WDR88: variants seen among roughly 807,000 people sequenced by gnomAD.
WDR88 encodes WD repeat-containing protein 88.
In WDR88, 40 loss-of-function variants were observed where a neutral mutation model predicts 46.8. The observed-to-expected ratio is 0.86, with a 90% confidence interval of 0.66 to 1.11. The LOEUF (loss-of-function observed/expected upper bound fraction) is 1.11, where lower values mean the gene tolerates loss of function less well. Among genes scored for constraint, WDR88 ranks in the 50% most tolerant of loss-of-function variants. WDR88 has a pLI of 0.00. For missense variants in WDR88, 562 were observed against 602.4 expected, an observed-to-expected ratio of 0.93 and a Z score of 0.70; for synonymous variants, 235 against 240.7, an observed-to-expected ratio of 0.98 and a Z score of 0.22.
chr19:33,174,404 T>C (rs552194919), intron 10 of WDR88: 6 of 1,400,934 alleles, frequency 4.3e-6, no homozygotes, highest in Admixed American at 2.9e-5. Context: ...CCTTGCAGGC[T>C]CTTCTCCAGG....
intron 2 of WDR88, among the ~76,000 whole-genome samples, chr19:33,144,545 A>C (rs1023837361): frequency 4.6e-5 from 7 of 152,140 alleles, no homozygotes; most frequent in African/African-American, 1.7e-4. Context: ...GCCAGTAGGA[A>C]AGGAAAACAC....
intron 1 of WDR88, among the ~76,000 whole-genome samples, chr19:33,136,158 C>A (rs532378825): frequency 2.0e-5 from 3 of 151,862 alleles, no homozygotes; most frequent in East Asian, 1.9e-4. Flanking sequence ...CGGGTTCAAG[C>A]GATTCTCCTG....
intron 9 of WDR88, among the ~76,000 whole-genome samples, chr19:33,165,358 GA>G (rs1037641416): frequency 1.1e-4 from 16 of 140,400 alleles, no homozygotes; most frequent in Non-Finnish European, 1.9e-4. Flanking sequence ...AAACATATCA[GA>G]AAAAAAAAAC....
At chr19:33,171,311 T>A (rs1415075870) in intron 9 of WDR88, among the ~76,000 whole-genome samples, 1 of 152,178 alleles carries the variant, frequency 6.6e-6, no homozygotes, top group Admixed American at 6.5e-5. Flanking sequence ...AATTAAAGTA[T>A]CTAAGAGCTG....
At chr19:33,146,993 TC>T (rs1973531276) in intron 3 of WDR88, among the ~76,000 whole-genome samples, 1 of 151,160 alleles carries the variant, frequency 6.6e-6, no homozygotes, top group African/African-American at 2.4e-5. Flanking sequence ...ATTCCAGTAC[TC>T]TGGGAGGCTG....
intron 6 of WDR88, among the ~76,000 whole-genome samples, chr19:33,151,873 C>T (rs528089708): frequency 6.6e-6 from 1 of 151,754 alleles, no homozygotes; most frequent in East Asian, 1.9e-4. Flanking sequence ...AAGTAAGACC[C>T]TGTCTAAAAA....
At chr19:33,146,952 G>A (rs565191070) in intron 3 of WDR88, among the ~76,000 whole-genome samples, 1 of 152,096 alleles carries the variant, frequency 6.6e-6, no homozygotes, top group South Asian at 2.1e-4. Context: ...AGAAGTCATA[G>A]GCAGGCCAGG....
At chr19:33,149,449 T>C (rs1485682372) in intron 5 of WDR88, among the ~76,000 whole-genome samples, 1 of 152,200 alleles carries the variant, frequency 6.6e-6, no homozygotes, top group Non-Finnish European at 1.5e-5. Context: ...AATGTTCGGC[T>C]CCAACCTCAT....
At chr19:33,175,052 T>C in intron 10 of WDR88, 2 of 957,268 alleles carry the variant, frequency 2.1e-6, no homozygotes, top group Non-Finnish European at 2.5e-6. Flanking sequence ...CTGGCCAACA[T>C]GGAGAAACCC....
At position 33,148,827 on chromosome 19, in the gene WDR88, A is replaced by G; in HGVS notation, c.596A>G (p.Lys199Arg). 1 of 1,614,130 alleles carries G rather than the reference A, an allele frequency of 6.2e-7. No individual in the cohort carries two copies. The highest frequency in any genetic ancestry group is 8.5e-7 in the Non-Finnish European group (1 of 1,180,036). ...IVSCKFSPDG[K>R]YVVSGFDVDH... ...TCCTGTAAGTTTTCTCCTGATGGTA[A>G]ATACGTGGTCTCAGGCTTCGACGTG... is the stretch of plus-strand genomic sequence containing the variant. Residue 199 changes from lysine (K) to arginine (R), a missense_variant, in exon 5 of 11, where the codon AAA (lysine) becomes AGA (arginine). Coordinates refer to ENST00000355868, the MANE Select transcript of WDR88 (RefSeq NM_173479.4).
intron 9 of WDR88, among the ~76,000 whole-genome samples, chr19:33,166,305 A>G (rs865974857): frequency 1.5e-4 from 21 of 136,122 alleles, no homozygotes; most frequent in Admixed American, 5.1e-4. Flanking sequence ...AAAAAAAAAA[A>G]GCTGGGTGTG....
chr19:33,139,569 T>C (rs1973347229), intron 2 of WDR88, among the ~76,000 whole-genome samples: 1 of 152,122 alleles, frequency 6.6e-6, no homozygotes, highest in African/African-American at 2.4e-5. Flanking sequence ...TCTCTGGTAT[T>C]TCCTGCTAGG....
intron 2 of WDR88, among the ~76,000 whole-genome samples, chr19:33,138,037 C>T (rs567850622): frequency 1.3e-5 from 2 of 151,014 alleles, no homozygotes; most frequent in South Asian, 4.2e-4. Context: ...GAGTGCCACA[C>T]ATTTTTTTTT....
At chr19:33,159,382 A>C (rs112986631) in intron 7 of WDR88, among the ~76,000 whole-genome samples, 6,287 of 144,116 alleles carry the variant, frequency 0.044, 152 homozygotes, top group South Asian at 0.093. Context: ...AAATAAATAA[A>C]TAACAAATAA....
intron 10 of WDR88, chr19:33,174,434 C>A (rs940113772): frequency 4.6e-5 from 63 of 1,373,720 alleles, no homozygotes; most frequent in Non-Finnish European, 5.7e-5. Flanking sequence ...ATGGTGGGAA[C>A]CCCTGAGGGG....
intron 2 of WDR88, among the ~76,000 whole-genome samples, chr19:33,144,627 A>C (rs1973472424): frequency 6.6e-6 from 1 of 152,206 alleles, no homozygotes; most frequent in Admixed American, 6.5e-5. Flanking sequence ...GTAATTTCCC[A>C]TGGATGCCAG....
chr19:33,140,161 T>C (rs1234666759), intron 2 of WDR88, among the ~76,000 whole-genome samples: 1 of 152,142 alleles, frequency 6.6e-6, no homozygotes, highest in African/African-American at 2.4e-5. Flanking sequence ...ATTTTTTCTT[T>C]GTTTTGTTTT....
At position 33,175,499 on chromosome 19, in the gene WDR88, C is replaced by T. The variant is rs1331056394; in HGVS notation, c.1346C>T (p.Ala449Val). The change falls in exon 11 of 11, where the codon GCA (alanine) becomes GTA (valine). Residue 449 changes from alanine (A) to valine (V), a missense_variant. Physicochemically the swap from Ala to Val is moderately conservative, Grantham distance 64 (BLOSUM62 0). Transcript: ENST00000355868. Reference protein sequence around the residue: ...FCRIDTRGLPADTSSSSSSSE... With the variant: ...FCRIDTRGLPVDTSSSSSSSE... ...CGGATAGATACAAGGGGCTTGCCAG[C>T]AGATACTTCATCGTCATCATCATCA... 8 of 1,614,216 alleles carry T rather than the reference C, an allele frequency of 5.0e-6. No individual in the cohort carries two copies. Among genetic ancestry groups the T allele is most frequent in the African/African-American group, 1.3e-5 (1 of 75,056 alleles).
Position 33,172,397 on chromosome 19 carries a change from T to C in WDR88, c.1199T>C (p.Leu400Ser). 1 of 1,614,082 alleles carries C rather than the reference T, an allele frequency of 6.2e-7. No homozygotes were observed. The highest frequency in any genetic ancestry group is 1.7e-5 in the Admixed American group (1 of 60,000). ...WNIEEIDEIP[L>S]VIKYKKAVGL... is the part of the protein sequence containing the mutation. ...ATTGAAGAAATTGATGAAATTCCTT[T>C]GGTAATCAAGTACAAAAAGGCCGTG... Residue 400 changes from leucine (L) to serine (S), a missense_variant, in exon 10 of 11, where the codon TTG becomes TCG. Leu to Ser is a moderately radical substitution (Grantham distance 145, BLOSUM62 -2). Coordinates refer to ENST00000355868, the MANE Select transcript of WDR88 (RefSeq NM_173479.4).
Sources: allele counts gnomAD v4.1 joint callset (sites outside exome capture counted in the v4.1 genomes callset), GRCh38; gene constraint gnomAD v4.1.1; transcripts MANE v1.5; gene names NCBI Gene and HGNC (gene_info 2026-07-23, HGNC 2026-07-21).